TMEM170A: variants seen among roughly 807,000 people sequenced by gnomAD.
The protein encoded by TMEM170A is transmembrane protein 170.
In TMEM170A, 18 loss-of-function variants were observed where a neutral mutation model predicts 12.8. That is an observed-to-expected ratio of 1.41 (90% confidence interval 0.97 to 2.09). TMEM170A has a LOEUF of 2.09. Ranked by LOEUF, TMEM170A falls within the 30% of genes most tolerant of loss-of-function variation. The probability of loss-of-function intolerance (pLI) is 0.00; values close to 1 mark genes in which losing one functional copy is unlikely to be tolerated. For missense variants in TMEM170A, 220 were observed against 179.9 expected (o/e 1.22, Z -1.28); for synonymous variants, 107 against 76.2 (o/e 1.40, Z -2.11).
chr16:75,447,746 C>G, intron 2 of TMEM170A, 58 bp from the exon 3 acceptor site: 3 of 1,527,016 alleles, frequency 2.0e-6, no homozygotes, highest in Non-Finnish European at 2.7e-6. Context: ...AACAAACTCA[C>G]GAAAATACAA....
At position 75,447,334 on chromosome 16, in the gene TMEM170A, GA is replaced by G; in HGVS notation, c.*223del. On this transcript the variant is annotated 3_prime_UTR_variant, in exon 3 of 3. Transcript: ENST00000561878. ...GCTTAAATCAAATATCTACAAAAAA[GA>G]AAGCCAAAAGACTTGTTTTGGTTGA... 5.4e-6 allele frequency: 2 copies of G among 369,530 alleles called. No individual in the cohort carries two copies. The highest frequency in any genetic ancestry group is 9.3e-6 in the Non-Finnish European group (2 of 215,908). 22.9% of individuals were successfully genotyped at this position (369,530 alleles called of 1,614,324 possible).
At chr16:75,464,089 C>T (rs2079954012) in intron 1 of TMEM170A, 2 of 901,866 alleles carry the variant, frequency 2.2e-6, no homozygotes, top group Admixed American at 2.6e-5. Flanking sequence ...CGAAGGAGGC[C>T]GGGCGCCGTG....
rs1192543809 is a variant in TMEM170A, at chr16:75,447,116, G to T, written c.*442C>A. 1 of 152,310 alleles carries T rather than the reference G, an allele frequency of 6.6e-6. No homozygotes were observed. The highest frequency in any genetic ancestry group is 1.9e-4 in the East Asian group (1 of 5,200). 9.4% of individuals were successfully genotyped at this position (152,310 alleles called of 1,614,324 possible). On this transcript the variant is annotated 3_prime_UTR_variant, in exon 3 of 3. Coordinates refer to ENST00000561878, the MANE Select transcript of TMEM170A (RefSeq NM_145254.3). Reference sequence around the variant, plus strand: ...TGTCACTAAGATGTAGCAAAGAAAAGAGTTTGCCAAATTTTAATCAAGATT... The same window carrying T: ...TGTCACTAAGATGTAGCAAAGAAAATAGTTTGCCAAATTTTAATCAAGATT...
At chr16:75,464,302 G>A (rs1041793962) in intron 1 of TMEM170A, 166 bp downstream of exon 1, 1 of 1,478,200 alleles carries the variant, frequency 6.8e-7, no homozygotes, top group Non-Finnish European at 8.9e-7. Context: ...CCGAAGAAGT[G>A]ATGGGGAAAG....
Position 75,443,992 on chromosome 16 carries a change from G to T in TMEM170A, c.*3566C>A, listed in dbSNP as rs1243544187. On this transcript the variant is annotated 3_prime_UTR_variant, in exon 3 of 3. Coordinates refer to ENST00000561878, the MANE Select transcript of TMEM170A (RefSeq NM_145254.3). ...TAATCCTAGCTACTCAGCGGCCAAG[G>T]CAGGACAATCACTTGAACCCAGGAA... 2.0e-5 allele frequency: 3 copies of T among 151,982 alleles called. No homozygotes were observed. Among genetic ancestry groups the T allele is most frequent in the Non-Finnish European group, 4.4e-5 (3 of 68,062 alleles). 9.4% of individuals were successfully genotyped at this position (151,982 alleles called of 1,614,324 possible).
chr16:75,461,084 C>T (rs2079897328), intron 1 of TMEM170A, among the ~76,000 whole-genome samples: 1 of 152,150 alleles, frequency 6.6e-6, no homozygotes, highest in Admixed American at 6.6e-5. Flanking sequence ...GAGACAGTCT[C>T]GCTCTGTGGC....
intron 1 of TMEM170A, among the ~76,000 whole-genome samples, chr16:75,453,373 G>A (rs1319991551): frequency 1.3e-5 from 2 of 152,208 alleles, no homozygotes; most frequent in Non-Finnish European, 2.9e-5. Context: ...GGCAGAGGTT[G>A]CAGTAAGTCA....
At chr16:75,458,713 T>C (rs1057482481) in intron 1 of TMEM170A, 2 of 152,122 alleles carry the variant, frequency 1.3e-5, no homozygotes, top group African/African-American at 4.8e-5. Flanking sequence ...GCTGCTAAAT[T>C]TGTGGAATTA....
rs1300614825 is a variant in TMEM170A, at chr16:75,446,000, A to C, written c.*1558T>G. 1 of 151,804 alleles carries C rather than the reference A, an allele frequency of 6.6e-6. No homozygotes were observed. Among genetic ancestry groups the C allele is most frequent in the Non-Finnish European group, 1.5e-5 (1 of 67,938 alleles). 9.4% of individuals were successfully genotyped at this position (151,804 alleles called of 1,614,324 possible). On this transcript the variant is annotated 3_prime_UTR_variant, in exon 3 of 3. Coordinates refer to ENST00000561878, the MANE Select transcript of TMEM170A (RefSeq NM_145254.3). ...AGACCAGCCTGGGCAAGATGGTGAA[A>C]CCTATCTCTACTAAAAATACAAAAA...
Position 75,443,334 on chromosome 16 carries a change from G to C in TMEM170A, c.*4224C>G, listed in dbSNP as rs2079532424. 1 of 152,134 alleles carries C rather than the reference G, an allele frequency of 6.6e-6. No homozygotes were observed. Among genetic ancestry groups the C allele is most frequent in the East Asian group, 1.9e-4 (1 of 5,204 alleles). 9.4% of individuals were successfully genotyped at this position (152,134 alleles called of 1,614,324 possible). A position where few individuals can be genotyped will look rare whatever the true frequency, so the allele number is the denominator to read the frequency against. On this transcript the variant is annotated 3_prime_UTR_variant, in exon 3 of 3. Coordinates refer to ENST00000561878, the MANE Select transcript of TMEM170A (RefSeq NM_145254.3). The stretch of plus-strand genomic sequence containing the variant: ...TTTAAATAATTTTCTATTGTACAAA[G>C]ATTTGATCATTTTGACTGTAGCAGT...
At chr16:75,457,126 G>T (rs1297411158) in intron 1 of TMEM170A, among the ~76,000 whole-genome samples, 2 of 152,076 alleles carry the variant, frequency 1.3e-5, no homozygotes, top group African/African-American at 4.8e-5. Context: ...ATCAGCCCTG[G>T]GTCCCTGCTA....
chr16:75,463,041 T>G (rs1397068473), intron 1 of TMEM170A, among the ~76,000 whole-genome samples: 1 of 152,056 alleles, frequency 6.6e-6, no homozygotes, highest in Non-Finnish European at 1.5e-5. Flanking sequence ...TACATGTGGT[T>G]ATATATATAG....
At chr16:75,451,539 G>T in intron 2 of TMEM170A, 130 bp downstream of exon 2, 3 of 938,948 alleles carry the variant, frequency 3.2e-6, no homozygotes, top group South Asian at 1.5e-5. Flanking sequence ...GACATAGGGA[G>T]ACCCTGTCTG....
chr16:75,463,658 T>C (rs952386519), intron 1 of TMEM170A, among the ~76,000 whole-genome samples: 9 of 152,256 alleles, frequency 5.9e-5, no homozygotes, highest in South Asian at 2.1e-4. Flanking sequence ...CCACGGGCTC[T>C]AGTCTTCTTG....
chr16:75,464,516 C>T lies in TMEM170A; in HGVS notation c.85G>A (p.Gly29Ser), dbSNP rs1423108384. The T allele has an allele frequency of 6.3e-7, 1 of 1,586,120 alleles. No individual in the cohort carries two copies. Among genetic ancestry groups the T allele is most frequent in the Non-Finnish European group, 8.6e-7 (1 of 1,168,796 alleles). ...GAGTTGGGGCACAGGGTCCCGTTGC[C>T]CACCCGCGGCACAACCTTCAGGCTC... is the stretch of plus-strand genomic sequence containing the variant. ...ILSLKVVPRVGNGTLCPNSTS... is the reference protein window; with the variant it reads ...ILSLKVVPRVSNGTLCPNSTS... The change falls in exon 1 of 3, where the codon GGC (glycine) becomes AGC (serine). Residue 29 changes from glycine to serine, a missense_variant. By Grantham distance (56) the Gly-to-Ser change is moderately conservative. Transcript: ENST00000561878.
At chr16:75,451,337 C>T in intron 2 of TMEM170A, 1 of 404,948 alleles carries the variant, frequency 2.5e-6, no homozygotes, top group Admixed American at 4.2e-5. Context: ...ATTGCTTGAG[C>T]TCAGGAGTTC....
At position 75,464,192 on chromosome 16, in the gene TMEM170A, G is replaced by A. The variant is rs569421953; in HGVS notation, c.133+276C>T. On this transcript the variant is annotated intron_variant, in intron 1 of 2. Coordinates refer to ENST00000561878, the MANE Select transcript of TMEM170A (RefSeq NM_145254.3). ...GCTCGGAAGCTCAAGGCCAAGACCC[G>A]CTCGGGTGGCGGCCGAGCGCCCTCC... is the stretch of plus-strand genomic sequence containing the variant. 2.7e-6 allele frequency: 4 copies of A among 1,501,440 alleles called. No homozygotes were observed. The African/African-American group carries it at 4.3e-5, about 16-fold the overall frequency. The allele number at this position is 1,501,440 out of a possible 1,614,324, so 93.0% of individuals were successfully genotyped here.
chr16:75,461,031 A>C (rs1371829809), intron 1 of TMEM170A, among the ~76,000 whole-genome samples: 1 of 152,142 alleles, frequency 6.6e-6, no homozygotes, highest in African/African-American at 2.4e-5. Context: ...TTTAAACTGC[A>C]TTTGCAGTTT....
intron 2 of TMEM170A, among the ~76,000 whole-genome samples, chr16:75,449,743 G>A (rs1322857302): frequency 1.3e-5 from 2 of 152,166 alleles, no homozygotes; most frequent in East Asian, 1.9e-4. Context: ...CTGGCAATGC[G>A]TACATTTTGT....
Sources: allele counts gnomAD v4.1 joint callset (sites outside exome capture counted in the v4.1 genomes callset), GRCh38; gene constraint gnomAD v4.1.1; transcripts MANE v1.5; gene names NCBI Gene and HGNC (gene_info 2026-07-23, HGNC 2026-07-21).